The following GARNL3 variants were observed in gnomAD, a reference collection of about 807,000 sequenced individuals.
The protein encoded by GARNL3 is GTPase activating Rap/RanGAP domain like 3.
Under a neutral mutation model 125.0 loss-of-function variants are expected in GARNL3, and 63 were observed. The observed-to-expected ratio is 0.50, with a 90% CI of 0.41 to 0.62. GARNL3 has a LOEUF of 0.62. Ranked by LOEUF, GARNL3 falls within the 20% of genes least tolerant of loss-of-function variation. The pLI, the probability that GARNL3 is intolerant of heterozygous loss-of-function variation, is 0.00. For missense variants in GARNL3, 994 were observed against 1,244.0 expected (o/e 0.80, Z 3.02); for synonymous variants, 439 against 457.5 (o/e 0.96, Z 0.52).
intron 2 of GARNL3, among the ~76,000 whole-genome samples, chr9:127,250,233 G>T (rs1279158493): frequency 6.6e-6 from 1 of 152,186 alleles, no homozygotes; most frequent in African/African-American, 2.4e-5. Flanking sequence ...AATGGGGGCT[G>T]GGAGGCAGAA....
Position 127,365,284 on chromosome 9 carries a change from C to A in GARNL3, c.2095-16C>A. 6.2e-7 allele frequency: 1 copy of A among 1,610,432 alleles called. No homozygotes were observed. Among genetic ancestry groups the A allele is most frequent in the Non-Finnish European group, 8.5e-7 (1 of 1,176,676 alleles). ...GCATCCAGCCTGCCCACTACCGTTG[C>A]CCGTTATCATTGCAGGTTAATTTTG... On this transcript the variant is annotated splice_polypyrimidine_tract_variant and intron_variant, in intron 21 of 27. Transcript: ENST00000373387.
intron 7 of GARNL3, among the ~76,000 whole-genome samples, chr9:127,328,402 G>A (rs998716748): frequency 6.6e-6 from 1 of 152,162 alleles, no homozygotes; most frequent in Middle Eastern, 3.4e-3. Flanking sequence ...CTATTCTAGT[G>A]GTAAACTATT....
chr9:127,327,026 T>C (rs776309765), intron 7 of GARNL3, among the ~76,000 whole-genome samples: 15 of 152,218 alleles, frequency 9.9e-5, no homozygotes, highest in Non-Finnish European at 1.8e-4. Flanking sequence ...CCTTTACTTA[T>C]TGGCATGGAA....
Position 127,291,158 on chromosome 9 carries a change from T to TC in GARNL3, c.145-4dup, listed in dbSNP as rs745628543. 2 of 1,613,676 alleles carry TC rather than the reference T, an allele frequency of 1.2e-6. No homozygotes were observed. The highest frequency in any genetic ancestry group is 2.2e-5 in the East Asian group (1 of 44,876). On this transcript the variant is annotated splice_polypyrimidine_tract_variant and intron_variant, in intron 1 of 27. Transcript: ENST00000373387. ...AAATGCTTCCTAATTGAATGCTTTT[T>TC]CCCCCCTAGCTTATTTCCAGTGATG... is the stretch of plus-strand genomic sequence containing the variant.
chr9:127,287,594 G>C (rs1308930880), intron 1 of GARNL3, among the ~76,000 whole-genome samples: 1 of 152,204 alleles, frequency 6.6e-6, no homozygotes, highest in Non-Finnish European at 1.5e-5. Context: ...TAGTTAGCAA[G>C]CTGTGTGAGC....
chr9:127,283,416 A>G (rs2064153838), intron 1 of GARNL3, among the ~76,000 whole-genome samples: 1 of 152,198 alleles, frequency 6.6e-6, no homozygotes, highest in South Asian at 2.1e-4. Context: ...CACGCCTGTA[A>G]TCCCAGCACT....
chr9:127,296,654 T>C (rs1227717901), intron 2 of GARNL3, among the ~76,000 whole-genome samples: 1 of 151,902 alleles, frequency 6.6e-6, no homozygotes, highest in Non-Finnish European at 1.5e-5. Flanking sequence ...ATATTTTTAG[T>C]AGAGACAGGG....
chr9:127,239,020 C>T (rs1564840487), intron 1 of GARNL3, among the ~76,000 whole-genome samples: 3 of 152,174 alleles, frequency 2.0e-5, no homozygotes, highest in African/African-American at 7.2e-5. Flanking sequence ...AATGTGCCAT[C>T]TCTTCTTACC....
At chr9:127,320,677 C>T (rs1433054494) in intron 5 of GARNL3, 38 bp from the exon 6 acceptor site, 1 of 1,496,362 alleles carries the variant, frequency 6.7e-7, no homozygotes, top group East Asian at 2.3e-5. Context: ...TTTTTAGCTT[C>T]TCTGATGCTG....
chr9:127,266,169 T>C lies in GARNL3; in HGVS notation c.144+1148T>C, dbSNP rs1037348936. Among the ~76,000 whole-genome samples, 2 of 152,156 alleles carry C rather than the reference T, an allele frequency of 1.3e-5. No homozygotes were observed. The highest frequency in any genetic ancestry group is 4.8e-5 in the African/African-American group (2 of 41,450). On this transcript the variant is annotated intron_variant, in intron 1 of 27. Coordinates refer to ENST00000373387, the MANE Select transcript of GARNL3 (RefSeq NM_032293.5). The surrounding 1 kb of genome is among the most constrained non-coding windows in gnomAD (Gnocchi z 4.0). ...TCCCCTGAAGGAGCAGGTGCATAGC[T>C]ATAAGTCAGAGTAGGAATTGGTACT...
chr9:127,304,666 G>T lies in GARNL3; in HGVS notation c.220-6970G>T, dbSNP rs113379449. 6.3e-3 allele frequency among the ~76,000 whole-genome samples: 945 copies of T among 150,406 alleles called. 4 individuals carry two copies. Among genetic ancestry groups the T allele is most frequent in the Non-Finnish European group, 0.01 (692 of 67,800 alleles). On this transcript the variant is annotated intron_variant, in intron 2 of 27. Coordinates refer to ENST00000373387, the MANE Select transcript of GARNL3 (RefSeq NM_032293.5). Reference sequence around the variant, plus strand: ...TTCTTGTGCCTCAGCCTCCCGAGTAGCTGGGACTACAGGCATGCGCCACCA... The same window carrying T: ...TTCTTGTGCCTCAGCCTCCCGAGTATCTGGGACTACAGGCATGCGCCACCA...
At chr9:127,241,966 GTTGT>G (rs1177397736) in intron 1 of GARNL3, among the ~76,000 whole-genome samples, 1 of 149,038 alleles carries the variant, frequency 6.7e-6, no homozygotes, top group Non-Finnish European at 1.5e-5. Context: ...TGTTGTTGTT[GTTGT>G]TTGTTTTTTA....
At chr9:127,292,969 C>G (rs1043493643) in intron 2 of GARNL3, among the ~76,000 whole-genome samples, 1 of 152,192 alleles carries the variant, frequency 6.6e-6, no homozygotes, top group South Asian at 2.1e-4. Context: ...CTGTTGTGTT[C>G]AAAACACAGT....
At chr9:127,362,243 T>C (rs946599611) in intron 21 of GARNL3, 1 of 151,704 alleles carries the variant, frequency 6.6e-6, no homozygotes, top group Non-Finnish European at 1.5e-5. Flanking sequence ...TAATTTTTTT[T>C]TTTTTTTGTA....
intron 5 of GARNL3, among the ~76,000 whole-genome samples, chr9:127,319,540 T>A (rs1353977601): frequency 6.6e-6 from 1 of 152,132 alleles, no homozygotes; most frequent in African/African-American, 2.4e-5. Flanking sequence ...TATCCCACTT[T>A]CAAGCTTAGT....
chr9:127,227,878 C>T (rs141614003), intron 1 of GARNL3, among the ~76,000 whole-genome samples: 8 of 152,256 alleles, frequency 5.3e-5, no homozygotes, highest in African/African-American at 1.7e-4. Flanking sequence ...TGTGATTGCA[C>T]CACTGCACCC....
At chr9:127,388,706 A>C (rs977363816) in intron 25 of GARNL3, 198 bp from the exon 26 acceptor site, 2 of 590,470 alleles carry the variant, frequency 3.4e-6, no homozygotes, top group African/African-American at 3.7e-5. Flanking sequence ...TTACACATGA[A>C]AATGCTCTTA....
upstream of GARNL3, among the ~76,000 whole-genome samples, chr9:127,263,034 C>A (rs1373057856): frequency 6.6e-6 from 1 of 152,222 alleles, no homozygotes; most frequent in Non-Finnish European, 1.5e-5. Context: ...TAGCAAGCAT[C>A]CCTCTGCGGT....
chr9:127,264,696 A>C (rs1406726286), upstream of GARNL3: 3 of 1,225,522 alleles, frequency 2.4e-6, no homozygotes, highest in East Asian at 6.5e-5. Flanking sequence ...CAAATGACTA[A>C]ATATTTAATT....
Sources: gnomAD v4.1 joint callset for allele counts (sites outside exome capture counted in the v4.1 genomes callset) on GRCh38, gnomAD v4.1.1 for gene constraint, Gnocchi (gnomAD v3.1) non-coding constraint, MANE v1.5 for transcripts, NCBI Gene and HGNC (gene_info 2026-07-23, HGNC 2026-07-21) for gene names.